Variants in MROH1 observed in about 807,000 individuals in gnomAD.
MROH1 encodes the protein maestro heat-like repeat-containing protein family member 1.
A neutral mutation model predicts 116.5 loss-of-function variants in MROH1; 117 were observed. The observed-to-expected ratio is 1.00, with a 90% CI of 0.86 to 1.17. The LOEUF (loss-of-function observed/expected upper bound fraction) is 1.17. Among genes scored for constraint, MROH1 ranks in the 50% most tolerant of loss-of-function variants. The pLI is 0.00. For missense variants in MROH1, 1,873 were observed against 1,338.5 expected, an observed-to-expected ratio of 1.40 and a Z score of -6.23; for synonymous variants, 921 against 583.9, an observed-to-expected ratio of 1.58 and a Z score of -8.32.
chr8:144,200,223 C>T (rs910858676), intron 11 of MROH1, among the ~76,000 whole-genome samples: 1 of 152,110 alleles, frequency 6.6e-6, no homozygotes, highest in Non-Finnish European at 1.5e-5. Context: ...GTGGTGCTGG[C>T]GCCGTGGGAT....
chr8:144,223,228 G>T lies in MROH1; in HGVS notation c.1336G>T (p.Glu446Ter). The T allele has an allele frequency of 6.3e-7, 1 of 1,599,676 alleles. No homozygotes were observed. Among genetic ancestry groups the T allele is most frequent in the African/African-American group, 1.3e-5 (1 of 74,780 alleles). The part of the protein sequence containing the change: ...VQQCALPPEQ[E>*]PEKPGPGSKD... The stretch of plus-strand genomic sequence containing the variant: ...GCAGTGCGCGCTGCCCCCCGAGCAG[G>T]AGGTAAGGGGCTGCCACCTTGCCTG... Residue 446 changes from glutamate (E) to a stop codon, truncating the protein, a stop_gained and splice_region_variant, in exon 14 of 44, where the codon GAG (glutamate) becomes TAG (stop). Coordinates refer to ENST00000326134, the MANE Select transcript of MROH1 (RefSeq NM_032450.3). LOFTEE classifies it high-confidence loss of function.
chr8:144,151,408 T>A (rs1816759989), intron 1 of MROH1, among the ~76,000 whole-genome samples: 1 of 152,118 alleles, frequency 6.6e-6, no homozygotes, highest in African/African-American at 2.4e-5. Flanking sequence ...ATGCCAGCAC[T>A]CTGGCAGGCC....
chr8:144,241,178 C>T, intron 21 of MROH1, 67 bp downstream of exon 21: 1 of 714,298 alleles, frequency 1.4e-6, no homozygotes, highest in Non-Finnish European at 2.6e-6. Flanking sequence ...ACCTGCTGTT[C>T]TCTGAGGCAG....
In MROH1 at chr8:144,180,276, G is replaced by T; in HGVS notation, c.399G>T (p.Leu133=). The T allele has an allele frequency of 6.2e-7, 1 of 1,610,386 alleles. No homozygotes were observed. The highest frequency in any genetic ancestry group is 1.1e-5 in the South Asian group (1 of 91,080). The change falls in exon 6 of 44, where the codon CTG becomes CTT. Residue 133 remains leucine, a synonymous_variant. Coordinates refer to ENST00000326134, the MANE Select transcript of MROH1 (RefSeq NM_032450.3). This position sits in a 1 kb window ranked among gnomAD's most constrained non-coding sequence, Gnocchi z 7.4. ...SKVMEELLRR[L]HPGTLPHCAV... Reference sequence around the variant, plus strand: ...TGATGGAGGAGCTGCTGCGCAGGCTGCACCCTGGGACCCTGCCACACTGCG... The same window carrying T: ...TGATGGAGGAGCTGCTGCGCAGGCTTCACCCTGGGACCCTGCCACACTGCG...
At position 144,168,413 on chromosome 8, in the gene MROH1, C is replaced by T. The variant is rs189249643; in HGVS notation, c.141C>T (p.Cys47=). The T allele has an allele frequency of 2.5e-5, 41 of 1,610,358 alleles. No individual in the cohort carries two copies. The highest frequency in any genetic ancestry group is 3.3e-4 in the Middle Eastern group (2 of 6,040). ...GGCCGGTGGAGACGCTCCGTGCCTG[C>T]GAGGAGTATCTGCGGCAGCATGACA... ...EARPVETLRA[C]EEYLRQHDKL... Residue 47 remains cysteine (C), a synonymous_variant, in exon 4 of 44, where the codon TGC becomes TGT. Coordinates refer to ENST00000326134, the MANE Select transcript of MROH1 (RefSeq NM_032450.3).
At chr8:144,156,326 A>G (rs1818075576) in intron 1 of MROH1, among the ~76,000 whole-genome samples, 1 of 149,622 alleles carries the variant, frequency 6.7e-6, no homozygotes, top group African/African-American at 2.5e-5. Flanking sequence ...GAGAATTTTT[A>G]TCATAAGTGG....
chr8:144,185,929 G>T (rs1316945722), intron 7 of MROH1, among the ~76,000 whole-genome samples: 1 of 151,002 alleles, frequency 6.6e-6, no homozygotes, highest in East Asian at 2.0e-4. Context: ...GCGACGTGGG[G>T]ACCACAAGGG....
intron 10 of MROH1, among the ~76,000 whole-genome samples, chr8:144,194,926 T>C (rs1564446647): frequency 1.3e-5 from 2 of 149,186 alleles, no homozygotes; most frequent in Admixed American, 6.7e-5. Context: ...AAAAAAAAGT[T>C]CTGCAAATTT....
intron 7 of MROH1, among the ~76,000 whole-genome samples, chr8:144,181,688 C>G (rs1825755807): frequency 6.6e-6 from 1 of 152,138 alleles, no homozygotes; most frequent in Non-Finnish European, 1.5e-5. Context: ...GCATACTGAG[C>G]CAGGTGTGAA....
intron 14 of MROH1, among the ~76,000 whole-genome samples, chr8:144,235,020 G>A (rs556587029): frequency 3.0e-4 from 45 of 150,740 alleles, no homozygotes; most frequent in African/African-American, 1.0e-3. Context: ...AGCCTCCCGC[G>A]TAGCTGGGAT....
intron 4 of MROH1, chr8:144,175,368 G>A (rs1823595977): frequency 6.1e-6 from 3 of 495,742 alleles, no homozygotes; most frequent in Non-Finnish European, 7.8e-6. Flanking sequence ...CCAGCAACAG[G>A]TCTGGTCGGA....
rs1233941944 is a variant in MROH1, at chr8:144,152,567, G to C, written c.-177+4491G>C. 4.5e-3 allele frequency among the ~76,000 whole-genome samples: 556 copies of C among 124,036 alleles called. 2 individuals carry two copies. Among genetic ancestry groups the C allele is most frequent in the African/African-American group, 0.023 (526 of 22,712 alleles). 81.4% of individuals were successfully genotyped at this position (124,036 alleles called of 152,430 possible). A position where few individuals can be genotyped will look rare whatever the true frequency, so the allele number is the denominator to read the frequency against. On this transcript the variant is annotated intron_variant, in intron 1 of 43. Coordinates refer to ENST00000326134, the MANE Select transcript of MROH1 (RefSeq NM_032450.3). ...AATTATTATTATTATTTTTTTTTTT[G>C]AGACAGTCTCGCTCTGTCGCCCAGG...
chr8:144,240,970 G>A (rs1447320418), intron 20 of MROH1, 22 bp from the exon 21 acceptor site: 48 of 733,794 alleles, frequency 6.5e-5, no homozygotes, highest in South Asian at 4.4e-4. Context: ...AGGCAGAGCC[G>A]TGTTCTCTGG....
chr8:144,209,414 AC>A (rs1324924515), intron 12 of MROH1, among the ~76,000 whole-genome samples: 3 of 151,626 alleles, frequency 2.0e-5, no homozygotes, highest in Non-Finnish European at 2.9e-5. Flanking sequence ...CCCCGTCTCT[AC>A]AAAAAATACA....
chr8:144,212,979 G>T, intron 12 of MROH1: 2 of 770,392 alleles, frequency 2.6e-6, no homozygotes, highest in South Asian at 1.3e-5. Context: ...CCATTTGTTT[G>T]ATCTCGTTAC....
intron 10 of MROH1, among the ~76,000 whole-genome samples, chr8:144,198,136 G>A (rs913310247): frequency 5.9e-5 from 9 of 152,046 alleles, no homozygotes; most frequent in South Asian, 4.1e-4. Flanking sequence ...CCTCCACCTC[G>A]CAGTGATTTC....
rs1446183230 is a variant in MROH1 at position 144,244,410 on chromosome 8, C to T, written c.2671-34C>T. 6.8e-6 allele frequency: 5 copies of T among 731,752 alleles called. No homozygotes were observed. The Admixed American group carries it at 9.6e-5, about 14-fold the overall frequency. 45.3% of individuals were successfully genotyped at this position (731,752 alleles called of 1,614,324 possible). ...GAGGCCACTGTAGGCTGCGGGGTCA[C>T]TGGTGGGGCTGGACGGCCTGGCTCT... On this transcript the variant is annotated intron_variant, in intron 27 of 43. Transcript: ENST00000326134.
chr8:144,158,753 T>TA (rs1818782459), intron 1 of MROH1, among the ~76,000 whole-genome samples: 1 of 151,860 alleles, frequency 6.6e-6, no homozygotes, highest in African/African-American at 2.4e-5. Flanking sequence ...TTTTTTTTTT[T>TA]AATTTTTAGC....
intron 35 of MROH1, 48 bp downstream of exon 35, chr8:144,255,753 G>GGCATGCGTGT: frequency 1.4e-6 from 1 of 716,706 alleles, no homozygotes; most frequent in Non-Finnish European, 2.6e-6. Flanking sequence ...CGGAAGCACA[G>GGCATGCGTGT]GCATGCGTGT....
Sources: gnomAD v4.1 joint callset for allele counts (sites outside exome capture counted in the v4.1 genomes callset) on GRCh38, gnomAD v4.1.1 for gene constraint, Gnocchi (gnomAD v3.1) non-coding constraint, MANE v1.5 for transcripts, NCBI Gene and HGNC (gene_info 2026-07-23, HGNC 2026-07-21) for gene names.